CEP104: variants seen among roughly 807,000 people sequenced by gnomAD.
CEP104 encodes centrosomal protein of 104 kDa.
Under a neutral mutation model 113.3 loss-of-function variants are expected in CEP104, and 84 were observed. The observed-to-expected ratio is 0.74, with a 90% CI of 0.62 to 0.89. The LOEUF (loss-of-function observed/expected upper bound fraction) is 0.89. Among genes scored for constraint, CEP104 ranks in the 40% least tolerant of loss-of-function variants. The pLI, the probability that CEP104 is intolerant of heterozygous loss-of-function variation, is 0.00. For synonymous variants in CEP104, 378 were observed against 421.7 expected (o/e 0.90, Z 1.27); for missense variants, 1,053 against 1,156.6 (o/e 0.91, Z 1.30).
intron 20 of CEP104, among the ~76,000 whole-genome samples, chr1:3,817,317 G>A (rs995841324): frequency 2.0e-4 from 31 of 152,220 alleles, no homozygotes; most frequent in Admixed American, 1.7e-3. Flanking sequence ...ACTCCAGCCC[G>A]GGCAACAGGG....
At position 3,837,307 on chromosome 1, in the gene CEP104, A is replaced by G; in HGVS notation, c.1104T>C (p.Pro368=). The change falls in exon 9 of 22, where the codon CCT becomes CCC. Residue 368 remains proline (P), a synonymous_variant. Transcript: ENST00000378230. ...AVDPLLPATD[P]HPKINAESLP... is the part of the protein sequence containing the mutation. ...AATTACCTACATTGATCTTTGGATGAGGATCTGTGGCAGGGAGTAACGGGT... is the reference window on the plus strand; with the variant it reads ...AATTACCTACATTGATCTTTGGATGGGGATCTGTGGCAGGGAGTAACGGGT... 1 of 1,611,602 alleles carries G rather than the reference A, an allele frequency of 6.2e-7. No individual in the cohort carries two copies. Among genetic ancestry groups the G allele is most frequent in the Non-Finnish European group, 8.5e-7 (1 of 1,177,786 alleles).
intron 1 of CEP104, chr1:3,855,970 C>T (rs1402097349): frequency 1.1e-5 from 11 of 984,742 alleles, no homozygotes; most frequent in Non-Finnish European, 1.2e-5. Flanking sequence ...GACTCCATGG[C>T]GGTCTCATCC....
intron 2 of CEP104, among the ~76,000 whole-genome samples, chr1:3,849,925 G>A (rs930904390): frequency 6.6e-6 from 1 of 152,064 alleles, no homozygotes; most frequent in African/African-American, 2.4e-5. Context: ...ATGAGACAGC[G>A]GTCCCATAAG....
chr1:3,829,463 T>C, intron 14 of CEP104, 90 bp from the exon 15 acceptor site: 1 of 833,702 alleles, frequency 1.2e-6, no homozygotes, highest in South Asian at 1.7e-5. Flanking sequence ...ACTATATTTC[T>C]TATAAATTAT....
At position 3,829,377 on chromosome 1, in the gene CEP104, G is replaced by GT. The variant is rs772747609; in HGVS notation, c.2044-5dup. ...CTGTAGCCGCTTTTCTCCGTGCCTG[G>GT]TAAGAAAATTATTTTTCCATTAGAA... On this transcript the variant is annotated splice_polypyrimidine_tract_variant and splice_region_variant and intron_variant, in intron 14 of 21. Coordinates refer to ENST00000378230, the MANE Select transcript of CEP104 (RefSeq NM_014704.4). 6.9e-6 allele frequency: 11 copies of GT among 1,605,044 alleles called. No individual in the cohort carries two copies. The highest frequency in any genetic ancestry group is 5.1e-5 in the Admixed American group (3 of 58,380).
At chr1:3,836,858 G>C in intron 9 of CEP104, 166 bp from the exon 10 acceptor site, 1 of 607,794 alleles carries the variant, frequency 1.6e-6, no homozygotes, top group Non-Finnish European at 2.8e-6. Flanking sequence ...CAACAAATAG[G>C]ATGTAATTGA....
At chr1:3,827,309 G>A (rs1228168484) in intron 15 of CEP104, among the ~76,000 whole-genome samples, 2 of 151,992 alleles carry the variant, frequency 1.3e-5, no homozygotes, top group African/African-American at 4.8e-5. Context: ...TGGCCTCCTG[G>A]GTGCAAGCCA....
chr1:3,840,570 T>C (rs1644394449), intron 6 of CEP104, among the ~76,000 whole-genome samples: 1 of 150,702 alleles, frequency 6.6e-6, no homozygotes, highest in African/African-American at 2.4e-5. Context: ...TGAGACAGAG[T>C]TCTGTTGACC....
In CEP104 at chr1:3,843,161, C is replaced by G. The variant is rs1299229269; in HGVS notation, c.566+1746G>C. ...AGCCCTTCCCTTCTTTCCTTTAGAC[C>G]AGGCACCTCTGGAATGGAGTCCCCT... On this transcript the variant is annotated intron_variant, in intron 6 of 21. Transcript: ENST00000378230. The G allele has an allele frequency of 4.4e-6, 3 of 678,876 alleles. No individual in the cohort carries two copies. In the South Asian group the frequency reaches 4.8e-5, roughly 11 times the overall value. The allele number at this position is 678,876 out of a possible 1,614,324, so 42.1% of individuals were successfully genotyped here. A position where few individuals can be genotyped will look rare whatever the true frequency, so the allele number is the denominator to read the frequency against.
chr1:3,841,168 C>G (rs546458500), intron 6 of CEP104, among the ~76,000 whole-genome samples: 1 of 152,314 alleles, frequency 6.6e-6, no homozygotes, highest in African/African-American at 2.4e-5. Flanking sequence ...GACTTGAACA[C>G]CCTTCGAGAC....
In CEP104 at chr1:3,836,674, C is replaced by T. The variant is rs1644321175; in HGVS notation, c.1138G>A (p.Asp380Asn). Residue 380 changes from aspartate (D) to asparagine (N), a missense_variant, in exon 10 of 22, where the codon GAT (aspartate) becomes AAT (asparagine). By Grantham distance (23) the Asp-to-Asn change is conservative. Transcript: ENST00000378230. ...CGAATAGCTGGAAGAGGCCGCTCAT[C>T]GTAGGGCAGGGACTCTGCCTGCAGT... is the stretch of plus-strand genomic sequence containing the variant. ...PKINAESLPY[D>N]ERPLPAIRKH... 2.5e-6 allele frequency: 4 copies of T among 1,613,684 alleles called. No individual in the cohort carries two copies. The highest frequency in any genetic ancestry group is 1.7e-5 in the Admixed American group (1 of 60,006).
chr1:3,836,890 A>G (rs1016370628), intron 9 of CEP104, 198 bp from the exon 10 acceptor site: 1 of 584,130 alleles, frequency 1.7e-6, no homozygotes, highest in African/African-American at 1.9e-5. Flanking sequence ...GAGGCTTTCT[A>G]TTACTTTCTA....
chr1:3,814,391 T>C lies in CEP104; in HGVS notation c.*1011A>G, dbSNP rs917656290. 3.3e-5 allele frequency: 5 copies of C among 152,234 alleles called. No homozygotes were observed. The highest frequency in any genetic ancestry group is 7.3e-5 in the Non-Finnish European group (5 of 68,046). 9.4% of individuals were successfully genotyped at this position (152,234 alleles called of 1,614,324 possible). On this transcript the variant is annotated 3_prime_UTR_variant, in exon 22 of 22. Transcript: ENST00000378230. ...GGGGATGGCTGGTTAGGAGACTGTT[T>C]TTTGAGGGTTGGTTTCATCATTTTA...
intron 4 of CEP104, among the ~76,000 whole-genome samples, chr1:3,846,047 C>A (rs148364572): frequency 3.4e-5 from 5 of 146,734 alleles, no homozygotes; most frequent in African/African-American, 1.3e-4. Flanking sequence ...CCACTGCACT[C>A]CAGCCTAGGC....
intron 6 of CEP104, among the ~76,000 whole-genome samples, chr1:3,841,090 G>A (rs1297300534): frequency 6.6e-6 from 1 of 152,150 alleles, no homozygotes; most frequent in Non-Finnish European, 1.5e-5. Context: ...ACCAAGCAAC[G>A]AGAGGATGAG....
chr1:3,848,957 TTTC>T (rs1644560958), intron 2 of CEP104, among the ~76,000 whole-genome samples, 176 bp from the exon 3 acceptor site: 1 of 152,150 alleles, frequency 6.6e-6, no homozygotes. Context: ...CTCTCGAGCT[TTTC>T]TTGTTGGAGC....
At chr1:3,816,501 G>A in intron 20 of CEP104, 131 bp from the exon 21 acceptor site, 1 of 651,422 alleles carries the variant, frequency 1.5e-6, no homozygotes, top group South Asian at 1.9e-5. Context: ...CAGAAGAACG[G>A]CTCCCTCACC....
In CEP104 at chr1:3,852,363, G is replaced by C. The variant is rs138006027; in HGVS notation, c.45C>G (p.His15Gln). The change falls in exon 2 of 22, where the codon CAC becomes CAG. Residue 15 changes from histidine to glutamine, a missense_variant. His to Gln is a conservative substitution (Grantham distance 24). Coordinates refer to ENST00000378230, the MANE Select transcript of CEP104 (RefSeq NM_014704.4). ...GCTCCCGGGCACTGAAGCCGTCTTC[G>C]TGTCCAGATGAGCTGACGACTACAA... ...IGFVVVSSSG[H>Q]EDGFSARELM... The C allele has an allele frequency of 1.9e-6, 3 of 1,613,990 alleles. No homozygotes were observed. The highest frequency in any genetic ancestry group is 1.3e-5 in the African/African-American group (1 of 74,928).
chr1:3,848,704 T>C lies in CEP104; in HGVS notation c.191A>G (p.His64Arg). 1 of 1,613,636 alleles carries C rather than the reference T, an allele frequency of 6.2e-7. No homozygotes were observed. The highest frequency in any genetic ancestry group is 8.5e-7 in the Non-Finnish European group (1 of 1,179,700). The change falls in exon 3 of 22, where the codon CAC becomes CGC. Residue 64 changes from histidine (H) to arginine (R), a missense_variant. His to Arg is a conservative substitution (Grantham distance 29). Transcript: ENST00000378230. ...AATTTTACTTGAAATCATATACTGG[T>C]GAGCAAGTAACTGCAGTTTCCTTAT... The part of the protein sequence containing the change: ...CRIRKLQLLA[H>R]QYMISSKIEF...
Sources: gnomAD v4.1 joint callset for allele counts (sites outside exome capture counted in the v4.1 genomes callset) on GRCh38, gnomAD v4.1.1 for gene constraint, MANE v1.5 for transcripts, NCBI Gene and HGNC (gene_info 2026-07-23, HGNC 2026-07-21) for gene names.